The following HAUS7 variants were observed in gnomAD, a reference collection of about 807,000 sequenced individuals.
HAUS7 encodes HAUS augmin-like complex subunit 7.
In HAUS7, 3 loss-of-function variants were observed where a neutral mutation model predicts 28.4. That is an observed-to-expected ratio of 0.11 (90% CI 0.05 to 0.27). The LOEUF is 0.27. HAUS7 is among the 10% of genes least tolerant of loss of function. HAUS7 has a pLI of 1.00. For synonymous variants in HAUS7, 165 were observed against 132.1 expected, an observed-to-expected ratio of 1.25 and a Z score of -1.71; for missense variants, 284 against 297.3, an observed-to-expected ratio of 0.96 and a Z score of 0.33.
chrX:153,488,968 C>A (rs1025421566), intron 1 of HAUS7, among the ~76,000 whole-genome samples: 1 of 112,602 alleles, frequency 8.9e-6, no homozygotes, highest in Non-Finnish European at 1.9e-5. Flanking sequence ...GTGACCTTCC[C>A]AACTGGGGAG....
chrX:153,480,596 C>T (rs2089593670), intron 1 of HAUS7: 1 of 753,816 alleles, frequency 1.3e-6, no homozygotes, highest in Non-Finnish European at 1.6e-6. Context: ...TGCAGCCCAT[C>T]CCTGGCATCG....
chrX:153,486,230 C>A, intron 1 of HAUS7: 1 of 397,866 alleles, frequency 2.5e-6, no homozygotes, highest in Non-Finnish European at 3.7e-6. Flanking sequence ...GGCCTTTGGG[C>A]TCCTTACCCA....
chrX:153,469,535 C>G (rs782039164), intron 1 of HAUS7, among the ~76,000 whole-genome samples: 72 of 112,673 alleles, frequency 6.4e-4, no homozygotes, highest in Non-Finnish European at 1.2e-3. Context: ...ACCATGTTGG[C>G]CAGGCTGGTG....
rs782644315 is a variant in HAUS7 at position 153,485,965 on chromosome X, C to T, written c.-589+9409G>A. ...GGCTGCAGGCTGACGGCATCCACAG[C>T]GTGTCCTTCCTGGGCCTGCGCGCCT... On this transcript the variant is annotated intron_variant, in intron 1 of 5. Transcript: ENST00000370210. 6.5e-5 allele frequency: 64 copies of T among 977,129 alleles called. 1 individual carries two copies. The highest frequency in any genetic ancestry group is 5.2e-5 in the Non-Finnish European group (39 of 752,427). 80.5% of individuals were successfully genotyped at this position (977,129 alleles called of 1,213,427 possible). A position where few individuals can be genotyped will look rare whatever the true frequency, so the allele number is the denominator to read the frequency against.
upstream of HAUS7, chrX:153,470,794 G>A (rs1200796553): frequency 6.5e-6 from 3 of 459,013 alleles, no homozygotes; most frequent in African/African-American, 4.8e-5. Context: ...GGAAGGGGGC[G>A]GGGCGGACAC....
chrX:153,475,759 G>A (rs1270070442), intron 1 of HAUS7, among the ~76,000 whole-genome samples: 4 of 112,450 alleles, frequency 3.6e-5, no homozygotes, highest in Admixed American at 9.3e-5. Context: ...GTCACCCCAA[G>A]GCTGTGTCTC....
At chrX:153,452,047 C>A (rs1254179264) in intron 9 of HAUS7, among the ~76,000 whole-genome samples, 2 of 112,681 alleles carry the variant, frequency 1.8e-5, no homozygotes, top group Non-Finnish European at 3.7e-5. Context: ...CAGGGACCAA[C>A]AGAATTTTGA....
chrX:153,489,213 C>A (rs1556989165), intron 1 of HAUS7, among the ~76,000 whole-genome samples: 1 of 112,550 alleles, frequency 8.9e-6, no homozygotes, highest in Admixed American at 9.3e-5. Flanking sequence ...GGGGACTTCA[C>A]TTCTTGGGGC....
chrX:153,475,132 C>G (rs2089554774), upstream of HAUS7, among the ~76,000 whole-genome samples: 1 of 112,826 alleles, frequency 8.9e-6, no homozygotes, highest in Admixed American at 9.2e-5. Context: ...GGGGATGGGG[C>G]GGGGCCGCTT....
At chrX:153,463,811 C>T (rs782363679) in intron 3 of HAUS7, among the ~76,000 whole-genome samples, 11 of 112,919 alleles carry the variant, frequency 9.7e-5, no homozygotes, top group Admixed American at 5.6e-4. Context: ...CGCTGGCTTC[C>T]GCCCCTCCTG....
rs376879439 is a variant in HAUS7, at chrX:153,455,398, GCCCAGCCCCT to G, written c.930+134_930+143del. On this transcript the variant is annotated intron_variant, in intron 8 of 9. Coordinates refer to ENST00000370211, the MANE Select transcript of HAUS7 (RefSeq NM_001385482.1). Reference sequence around the variant, plus strand: ...ACGCCACTGGCCAGCAGGGAGCCCAGCCCAGCCCCTCCCAGCCCCTGGTCCTGCCCTGTGG... The same window carrying G: ...ACGCCACTGGCCAGCAGGGAGCCCAGCCCAGCCCCTGGTCCTGCCCTGTGG... 6.2e-5 allele frequency: 29 copies of G among 465,760 alleles called. No individual in the cohort carries two copies. The African/African-American group carries it at 7.2e-4, about 12-fold the overall frequency. 38.4% of individuals were successfully genotyped at this position (465,760 alleles called of 1,213,427 possible).
chrX:153,463,168 T>A (rs1159122450), intron 3 of HAUS7: 6 of 320,618 alleles, frequency 1.9e-5, no homozygotes, highest in African/African-American at 1.3e-4. Context: ...CTGCAGACTA[T>A]CCAGCCACAT....
chrX:153,465,627 C>T (rs1469267331), intron 2 of HAUS7, among the ~76,000 whole-genome samples: 1 of 112,825 alleles, frequency 8.9e-6, no homozygotes, highest in Non-Finnish European at 1.9e-5. Flanking sequence ...CCCTTGACTG[C>T]AGCACACAGG....
Position 153,454,515 on chromosome X carries a change from AGG to A in HAUS7, c.931-9_931-8del. On this transcript the variant is annotated splice_region_variant and splice_polypyrimidine_tract_variant and intron_variant, in intron 8 of 9. Transcript: ENST00000370211. Reference sequence around the variant, plus strand: ...CCATGACCACTTGCAGCAGCTGGGGAGGGAGGGAGGGAGGGAGGGAGGGAGGG... The same window carrying A: ...CCATGACCACTTGCAGCAGCTGGGGAGAGGGAGGGAGGGAGGGAGGGAGGG... The A allele has an allele frequency of 1.8e-4, 1 of 5,569 alleles. No homozygotes were observed. Among genetic ancestry groups the A allele is most frequent in the East Asian group, 0.053 (1 of 19 alleles). The allele number at this position is 5,569 out of a possible 1,213,427, so 0.5% of individuals were successfully genotyped here. A position where few individuals can be genotyped will look rare whatever the true frequency, so the allele number is the denominator to read the frequency against.
rs782287922 is a variant in HAUS7 at position 153,454,266 on chromosome X, G to A, written c.1045+128C>T. 1,038 of 452,191 alleles carry A rather than the reference G, an allele frequency of 2.3e-3. 1 individual carries two copies. Among genetic ancestry groups the A allele is most frequent in the Non-Finnish European group, 3.4e-3 (885 of 260,751 alleles). The allele number at this position is 452,191 out of a possible 1,213,427, so 37.3% of individuals were successfully genotyped here. A position where few individuals can be genotyped will look rare whatever the true frequency, so the allele number is the denominator to read the frequency against. On this transcript the variant is annotated intron_variant, in intron 9 of 9. Coordinates refer to ENST00000370211, the MANE Select transcript of HAUS7 (RefSeq NM_001385482.1). ...CATTTTTTCAAGTGAAGGAAAACATGCATTAGAAAATGAAAAACAAAAGAA... is the reference window on the plus strand; with the variant it reads ...CATTTTTTCAAGTGAAGGAAAACATACATTAGAAAATGAAAAACAAAAGAA...
intron 1 of HAUS7, chrX:153,486,040 C>A (rs1398124574): frequency 2.1e-6 from 2 of 972,035 alleles, no homozygotes; most frequent in Non-Finnish European, 1.3e-6. Context: ...CCATCCCACG[C>A]GGCCTCCTGG....
upstream of HAUS7, among the ~76,000 whole-genome samples, chrX:153,474,270 G>T (rs1370882006): frequency 2.7e-5 from 3 of 112,302 alleles, no homozygotes; most frequent in African/African-American, 9.7e-5. Flanking sequence ...CCTATGCTGG[G>T]CCTCCTGCTT....
chrX:153,457,161 G>A lies in HAUS7; in HGVS notation c.422C>T (p.Thr141Ile). 8.3e-7 allele frequency: 1 copy of A among 1,199,319 alleles called. No homozygotes were observed. Among genetic ancestry groups the A allele is most frequent in the Non-Finnish European group, 1.1e-6 (1 of 883,811 alleles). ...DQLLDTIRSL[T>I]IGCSSCSSLM... ...CCTCGAGCAACTGGAGCACCCAATGGTCAGGCTCCGGATGGTATCGAGCAA... is the reference window on the plus strand; with the variant it reads ...CCTCGAGCAACTGGAGCACCCAATGATCAGGCTCCGGATGGTATCGAGCAA... Residue 141 changes from threonine (T) to isoleucine (I), a missense_variant, in exon 5 of 10, where the codon ACC (threonine) becomes ATC (isoleucine). Thr to Ile is a moderately conservative substitution (Grantham distance 89). Coordinates refer to ENST00000370211, the MANE Select transcript of HAUS7 (RefSeq NM_001385482.1).
At chrX:153,451,509 G>A in intron 9 of HAUS7, among the ~76,000 whole-genome samples, 1 of 112,108 alleles carries the variant, frequency 8.9e-6, no homozygotes, top group Non-Finnish European at 1.9e-5. Flanking sequence ...CCGAGGCCAA[G>A]AGCAGTGAGA....
Sources: gnomAD v4.1 joint callset for allele counts (sites outside exome capture counted in the v4.1 genomes callset) on GRCh38, gnomAD v4.1.1 for gene constraint, MANE v1.5 for transcripts, NCBI Gene and HGNC (gene_info 2026-07-23, HGNC 2026-07-21) for gene names.